Variants in OXTR observed in about 807,000 individuals in gnomAD.
OXTR encodes the protein oxytocin receptor.
Under a neutral mutation model 23.9 loss-of-function variants are expected in OXTR, and 19 were observed. The observed-to-expected ratio is 0.80, with a 90% confidence interval of 0.56 to 1.17. OXTR has a LOEUF of 1.17. Among genes scored for constraint, OXTR ranks in the 50% most tolerant of loss-of-function variants. OXTR has a pLI of 0.00. For missense variants in OXTR, 500 were observed against 550.7 expected (o/e 0.91, Z 0.92); for synonymous variants, 278 against 250.5 (o/e 1.11, Z -1.04).
At position 8,751,546 on chromosome 3, in the gene OXTR, G is replaced by A. The variant is rs943983684; in HGVS notation, c.*1431C>T. 5 of 151,290 alleles carry A rather than the reference G, an allele frequency of 3.3e-5. No homozygotes were observed. Among genetic ancestry groups the A allele is most frequent in the African/African-American group, 1.2e-4 (5 of 41,090 alleles). 9.4% of individuals were successfully genotyped at this position (151,290 alleles called of 1,614,324 possible). ...TATTTAGATCTTGGATGCGTTTTGA[G>A]TTGATTTTTGCACATAGTGTGAGTA... is the stretch of plus-strand genomic sequence containing the variant. On this transcript the variant is annotated 3_prime_UTR_variant, in exon 4 of 4. Transcript: ENST00000316793.
chr3:8,767,731 C>A lies in OXTR; in HGVS notation c.457G>T (p.Asp153Tyr). 2 of 1,609,246 alleles carry A rather than the reference C, an allele frequency of 1.2e-6. No individual in the cohort carries two copies. The highest frequency in any genetic ancestry group is 1.7e-6 in the Non-Finnish European group (2 of 1,177,892). The change falls in exon 3 of 4, where the codon GAC (aspartate) becomes TAC (tyrosine). Residue 153 changes from aspartate to tyrosine, a missense_variant. Physicochemically the swap from Asp to Tyr is radical, Grantham distance 160. Transcript: ENST00000316793. ...QPLRSLRRRT[D>Y]RLAVLATWLG... ...CACGTGGCGAGCACTGCCAGGCGGT[C>A]GGTGCGGCGGCGCAGCGAGCGCAGC...
At chr3:8,765,654 T>C (rs1467616263) in intron 3 of OXTR, among the ~76,000 whole-genome samples, 1 of 152,212 alleles carries the variant, frequency 6.6e-6, no homozygotes, top group Non-Finnish European at 1.5e-5. Context: ...AGGTGAGGCC[T>C]AAGGCCTTAC....
At chr3:8,750,331 A>G (rs1208905106), downstream of OXTR, 2 of 152,200 alleles carry the variant, frequency 1.3e-5, no homozygotes, top group Non-Finnish European at 2.9e-5. Flanking sequence ...TAGAGAAACA[A>G]AAGTGCTGAG....
intron 3 of OXTR, among the ~76,000 whole-genome samples, chr3:8,760,781 A>G (rs1451853578): frequency 2.0e-5 from 3 of 152,224 alleles, no homozygotes; most frequent in Non-Finnish European, 2.9e-5. Context: ...GCAAAGGTGC[A>G]AAGACAGCAA....
the OXTR span, chr3:8,742,695 A>C: frequency 6.2e-6 from 2 of 321,894 alleles, no homozygotes; most frequent in Non-Finnish European, 1.3e-5. Flanking sequence ...TGCCTGGGCA[A>C]AGTGGGTAAT....
chr3:8,756,076 G>A (rs964674391), intron 3 of OXTR, among the ~76,000 whole-genome samples: 3 of 152,196 alleles, frequency 2.0e-5, no homozygotes, highest in Admixed American at 6.5e-5. Flanking sequence ...CTGAGCAGGT[G>A]AGCGACTACG....
In OXTR at chr3:8,762,999, C is replaced by G. The variant is rs182132811; in HGVS notation, c.922+4267G>C. On this transcript the variant is annotated intron_variant, in intron 3 of 3. Coordinates refer to ENST00000316793, the MANE Select transcript of OXTR (RefSeq NM_000916.4). Reference sequence around the variant, plus strand: ...GGTTGAGCTATCAATGACTGTGCAGCCTTGTGCCAGGCATCCCCTGGGGTA... The same window carrying G: ...GGTTGAGCTATCAATGACTGTGCAGGCTTGTGCCAGGCATCCCCTGGGGTA... 9.2e-5 allele frequency among the ~76,000 whole-genome samples: 14 copies of G among 152,328 alleles called. No individual in the cohort carries two copies. The East Asian group carries it at 2.7e-3, about 29-fold the overall frequency.
intron 3 of OXTR, among the ~76,000 whole-genome samples, chr3:8,762,677 G>A (rs1331916217): frequency 6.6e-6 from 1 of 152,236 alleles, no homozygotes; most frequent in Admixed American, 6.5e-5. Flanking sequence ...TACGGGACAT[G>A]CCCGAGGATC....
rs1708687106 is a variant in OXTR at position 8,768,341 on chromosome 3, CG to C, written c.-142-13del. 14 of 1,163,960 alleles carry C rather than the reference CG, an allele frequency of 1.2e-5. No homozygotes were observed. In the South Asian group the frequency reaches 6.2e-4, roughly 52 times the overall value. 72.1% of individuals were successfully genotyped at this position (1,163,960 alleles called of 1,614,324 possible). ...CTGCTGGGTCCACCCTGAAACAAAC[CG>C]GGAGGGCCGTGAGGAGACCGCCGCG... is the stretch of plus-strand genomic sequence containing the variant. On this transcript the variant is annotated splice_polypyrimidine_tract_variant and intron_variant, in intron 2 of 3. Coordinates refer to ENST00000316793, the MANE Select transcript of OXTR (RefSeq NM_000916.4). The surrounding 1 kb of genome is among the most constrained non-coding windows in gnomAD (Gnocchi z 5.4).
chr3:8,745,544 A>G (rs1708128320), downstream of OXTR: 1 of 1,614,128 alleles, frequency 6.2e-7, no homozygotes, highest in Non-Finnish European at 8.5e-7. The surrounding 1 kb of genome is among the most constrained non-coding windows in gnomAD (Gnocchi z 4.8). Context: ...TGAAGACGTG[A>G]TCGCAGAGCC....
At chr3:8,761,981 C>T (rs1708495726) in intron 3 of OXTR, among the ~76,000 whole-genome samples, 1 of 152,174 alleles carries the variant, frequency 6.6e-6, no homozygotes, top group African/African-American at 2.4e-5. Flanking sequence ...CTCAGGTGTA[C>T]AGGGTCCGGC....
rs237902 is a variant in OXTR, at chr3:8,767,498, G to A, written c.690C>T (p.Asn230=). Residue 230 remains asparagine (N), a synonymous_variant, in exon 3 of 4, where the codon AAC becomes AAT. Coordinates refer to ENST00000316793, the MANE Select transcript of OXTR (RefSeq NM_000916.4). ...YGLISFKIWQ[N]LRLKTAAAAA... is the part of the protein sequence containing the mutation. ...CCGCTGCAGCGGTCTTGAGCCGCAAGTTCTGCCAGATCTTGAAGCTGATAA... is the reference window on the plus strand; with the variant it reads ...CCGCTGCAGCGGTCTTGAGCCGCAAATTCTGCCAGATCTTGAAGCTGATAA... The A allele has an allele frequency of 0.33, 528,782 of 1,610,256 alleles. 90,231 individuals carry two copies. The highest frequency in any genetic ancestry group is 0.36 in the Middle Eastern group (2,200 of 6,052).
the OXTR span, chr3:8,742,591 T>C: frequency 2.2e-6 from 1 of 451,914 alleles, no homozygotes; most frequent in South Asian, 1.6e-5. Flanking sequence ...TTTCGAGGAA[T>C]CTTCAGAGCA....
At chr3:8,765,109 TG>T (rs1708576604) in intron 3 of OXTR, among the ~76,000 whole-genome samples, 1 of 152,260 alleles carries the variant, frequency 6.6e-6, no homozygotes, top group Non-Finnish European at 1.5e-5. Flanking sequence ...GGCCAGGATC[TG>T]TGTGTGTCTG....
Position 8,766,146 on chromosome 3 carries a change from C to T in OXTR, c.922+1120G>A, listed in dbSNP as rs149351036. Among the ~76,000 whole-genome samples, 548 of 152,304 alleles carry T rather than the reference C, an allele frequency of 3.6e-3. 7 individuals carry two copies. Among genetic ancestry groups the T allele is most frequent in the African/African-American group, 0.012 (504 of 41,568 alleles). ...CATTTGAAGTCCCCAGCATCCAGCA[C>T]GCGTTATGGGATTGCCTTCAAACAA... On this transcript the variant is annotated intron_variant, in intron 3 of 3. Coordinates refer to ENST00000316793, the MANE Select transcript of OXTR (RefSeq NM_000916.4).
chr3:8,745,731 T>C (rs1390071903), downstream of OXTR: 2 of 1,614,018 alleles, frequency 1.2e-6, no homozygotes, highest in African/African-American at 1.3e-5. The surrounding 1 kb of genome is among the most constrained non-coding windows in gnomAD (Gnocchi z 4.8). Flanking sequence ...GTGCCATGCA[T>C]TAAGAGCTAC....
chr3:8,755,921 G>A (rs1014197789), intron 3 of OXTR, among the ~76,000 whole-genome samples: 1 of 152,122 alleles, frequency 6.6e-6, no homozygotes, highest in Non-Finnish European at 1.5e-5. Context: ...ATCACTCAGG[G>A]ACTTCCCGGG....
At chr3:8,744,651 A>G in the OXTR span, among the ~76,000 whole-genome samples, 8 of 152,224 alleles carry the variant, frequency 5.3e-5, no homozygotes, top group African/African-American at 1.9e-4. Context: ...TGCTTCATGC[A>G]TAGCAGGGCT....
chr3:8,753,120 G>T lies in OXTR; in HGVS notation c.1027C>A (p.Arg343Ser), dbSNP rs200035437. 6.2e-7 allele frequency: 1 copy of T among 1,614,038 alleles called. No individual in the cohort carries two copies. Among genetic ancestry groups the T allele is most frequent in the Admixed American group, 1.7e-5 (1 of 59,996 alleles). Reference sequence around the variant, plus strand: ...TAGCTGGCGGAGCAGCACAGGAAGCGCTGCACGAGTTCGTGGAAGAGGTGG... The same window carrying T: ...TAGCTGGCGGAGCAGCACAGGAAGCTCTGCACGAGTTCGTGGAAGAGGTGG... ...TGHLFHELVQ[R>S]FLCCSASYLK... The change falls in exon 4 of 4, where the codon CGC (arginine) becomes AGC (serine). Residue 343 changes from arginine to serine, a missense_variant. Arg to Ser is a moderately radical substitution (Grantham distance 110). Coordinates refer to ENST00000316793, the MANE Select transcript of OXTR (RefSeq NM_000916.4).
Sources: gnomAD v4.1 joint callset for allele counts (sites outside exome capture counted in the v4.1 genomes callset) on GRCh38, gnomAD v4.1.1 for gene constraint, Gnocchi (gnomAD v3.1) non-coding constraint, MANE v1.5 for transcripts, NCBI Gene and HGNC (gene_info 2026-07-23, HGNC 2026-07-21) for gene names.